The following CYP1B1 variants were observed in gnomAD, a reference collection of about 807,000 sequenced individuals.
CYP1B1 encodes cytochrome P450 1B1.
CYP1B1 carries 22 observed loss-of-function variants against 29.9 expected under a neutral mutation model. The ratio of observed to expected loss-of-function variants is 0.74; its 90% confidence interval spans 0.53 to 1.05. The LOEUF is 1.05. CYP1B1 is among the 50% of genes least tolerant of loss of function. The probability of loss-of-function intolerance (pLI) is 0.00; values close to 1 mark genes in which losing one functional copy is unlikely to be tolerated. For missense variants in CYP1B1, 883 were observed against 746.9 expected (o/e 1.18, Z -2.12); for synonymous variants, 375 against 320.0 (o/e 1.17, Z -1.83).
At chr2:38,071,610 T>C (rs565659548) in intron 2 of CYP1B1, among the ~76,000 whole-genome samples, 6 of 152,292 alleles carry the variant, frequency 3.9e-5, no homozygotes, top group African/African-American at 1.4e-4. Flanking sequence ...CAATAGTAGA[T>C]AAGGCTGACT....
chr2:38,074,870 CTCG>C lies in CYP1B1; in HGVS notation c.516_518del (p.Ser172_Glu173delinsArg). ...CCAGCAGCGCCACCAGCTCGCGCGC[CTCG>C]CTCAGCACGTGGCCCTCGAGGACTT... On this transcript the variant is annotated inframe_deletion, in exon 2 of 3. Coordinates refer to ENST00000610745, the MANE Select transcript of CYP1B1 (RefSeq NM_000104.4). 1 of 1,554,892 alleles carries C rather than the reference CTCG, an allele frequency of 6.4e-7. No individual in the cohort carries two copies. Among genetic ancestry groups the C allele is most frequent in the Non-Finnish European group, 8.7e-7 (1 of 1,151,682 alleles).
Position 38,074,564 on chromosome 2 carries a change from C to T in CYP1B1, c.825G>A (p.Lys275=), listed in dbSNP as rs1358067954. The T allele has an allele frequency of 1.2e-6, 2 of 1,610,726 alleles. No individual in the cohort carries two copies. The highest frequency in any genetic ancestry group is 3.4e-5 in the Admixed American group (2 of 59,490). Residue 275 remains lysine, a synonymous_variant, in exon 2 of 3, where the codon AAG becomes AAA. Transcript: ENST00000610745. Reference sequence around the variant, plus strand: ...GAAGGCTTTCGCAGTGCCTCAAGAACTTGTCCAGGATGAAGTTGCTGAAGT... The same window carrying T: ...GAAGGCTTTCGCAGTGCCTCAAGAATTTGTCCAGGATGAAGTTGCTGAAGT... The part of the protein sequence containing the change: ...NRNFSNFILD[K]FLRHCESLRP...
At chr2:38,072,880 C>T (rs889342075) in intron 2 of CYP1B1, among the ~76,000 whole-genome samples, 1 of 128,262 alleles carries the variant, frequency 7.8e-6, no homozygotes, top group East Asian at 2.0e-4. Flanking sequence ...CCCTGTCATA[C>T]GTCTTTTCAC....
Position 38,070,017 on chromosome 2 carries a change from T to C in CYP1B1, c.*705A>G, listed in dbSNP as rs1414450045. The C allele has an allele frequency of 4.9e-6, 1 of 204,080 alleles. No individual in the cohort carries two copies. The highest frequency in any genetic ancestry group is 1.0e-5 in the Non-Finnish European group (1 of 99,666). The allele number at this position is 204,080 out of a possible 1,614,324, so 12.6% of individuals were successfully genotyped here. On this transcript the variant is annotated 3_prime_UTR_variant, in exon 3 of 3. Coordinates refer to ENST00000610745, the MANE Select transcript of CYP1B1 (RefSeq NM_000104.4). ...CAATTTAATAATGCATACTTTAAAA[T>C]TCATGATAACTCATGGAACCCCACT... is the stretch of plus-strand genomic sequence containing the variant.
Position 38,075,839 on chromosome 2 carries a change from C to A in CYP1B1, c.-61G>T. On this transcript the variant is annotated 5_prime_UTR_variant, in exon 1 of 3. Transcript: ENST00000610745. The stretch of plus-strand genomic sequence containing the variant: ...AGCCGGCTCCGAGAAGGAACTGGGA[C>A]CTTTGCCTAGGGCAAGACGTCAACA... The A allele has an allele frequency of 4.3e-6, 1 of 230,340 alleles. No homozygotes were observed. 14.3% of individuals were successfully genotyped at this position (230,340 alleles called of 1,614,324 possible).
rs377319647 is a variant in CYP1B1 at position 38,075,230 on chromosome 2, G to C, written c.159C>G (p.Gly53=). Residue 53 remains glycine, a synonymous_variant, in exon 2 of 3, where the codon GGC becomes GGG. Transcript: ENST00000610745. ...TTCCGATCAGTGGCCACGCAAACGGGCCCGGGGGCGCGGACCGGAGCTGCC... is the reference window on the plus strand; with the variant it reads ...TTCCGATCAGTGGCCACGCAAACGGCCCCGGGGGCGCGGACCGGAGCTGCC... ...RRRQLRSAPP[G]PFAWPLIGNA... 1.9e-6 allele frequency: 3 copies of C among 1,587,222 alleles called. No individual in the cohort carries two copies. The highest frequency in any genetic ancestry group is 1.3e-5 in the African/African-American group (1 of 74,752).
At position 38,074,965 on chromosome 2, in the gene CYP1B1, T is replaced by C. The variant is rs1682503157; in HGVS notation, c.424A>G (p.Lys142Glu). The change falls in exon 2 of 3, where the codon AAG becomes GAG. Residue 142 changes from lysine (K) to glutamate (E), a missense_variant. Physicochemically the swap from Lys to Glu is moderately conservative, Grantham distance 56 (BLOSUM62 1). Transcript: ENST00000610745. ...CTGTGGGCTGCGCGCCGCTGCACCT[T>C]CCAGTGCTCCGAGTAGTGGCCGAAA... ...MAFGHYSEHW[K>E]VQRRAAHSMM... 6.3e-7 allele frequency: 1 copy of C among 1,580,350 alleles called. No individual in the cohort carries two copies. The highest frequency in any genetic ancestry group is 2.3e-5 in the East Asian group (1 of 43,642).
rs1420984375 is a variant in CYP1B1 at position 38,068,541 on chromosome 2, C to G, written c.*2181G>C. On this transcript the variant is annotated 3_prime_UTR_variant, in exon 3 of 3. Coordinates refer to ENST00000610745, the MANE Select transcript of CYP1B1 (RefSeq NM_000104.4). ...AGCAGCCCAAATTCACTGTCTCAGC[C>G]TTGGTGGGGCATAATATTTTGGAAT... is the stretch of plus-strand genomic sequence containing the variant. 4.4e-6 allele frequency: 1 copy of G among 226,642 alleles called. No homozygotes were observed. Among genetic ancestry groups the G allele is most frequent in the Non-Finnish European group, 8.8e-6 (1 of 113,768 alleles). The allele number at this position is 226,642 out of a possible 1,614,324, so 14.0% of individuals were successfully genotyped here. A position where few individuals can be genotyped will look rare whatever the true frequency, so the allele number is the denominator to read the frequency against.
chr2:38,075,224 A>C lies in CYP1B1; in HGVS notation c.165T>G (p.Phe55Leu). The C allele has an allele frequency of 6.3e-7, 1 of 1,584,952 alleles. No homozygotes were observed. Among genetic ancestry groups the C allele is most frequent in the Non-Finnish European group, 8.5e-7 (1 of 1,171,592 alleles). The change falls in exon 2 of 3, where the codon TTT (phenylalanine) becomes TTG (leucine). Residue 55 changes from phenylalanine to leucine, a missense_variant. Phe to Leu is a conservative substitution (Grantham distance 22). Coordinates refer to ENST00000610745, the MANE Select transcript of CYP1B1 (RefSeq NM_000104.4). ...CCGCGTTTCCGATCAGTGGCCACGC[A>C]AACGGGCCCGGGGGCGCGGACCGGA... is the stretch of plus-strand genomic sequence containing the variant. ...RQLRSAPPGP[F>L]AWPLIGNAAA...
Position 38,071,290 on chromosome 2 carries a change from C to A in CYP1B1, c.1064G>T (p.Arg355Leu). 1 of 1,612,308 alleles carries A rather than the reference C, an allele frequency of 6.2e-7. No individual in the cohort carries two copies. The highest frequency in any genetic ancestry group is 8.5e-7 in the Non-Finnish European group (1 of 1,179,452). The change falls in exon 3 of 3, where the codon CGA (arginine) becomes CTA (leucine). Residue 355 changes from arginine to leucine, a missense_variant. Physicochemically the swap from Arg to Leu is moderately radical, Grantham distance 102. Transcript: ENST00000610745. ...GACCTGATCCAATTCTGCCTGCACT[C>A]GAGTCTGCACATCAGGATACCTGTT... ...LFTRYPDVQTRVQAELDQVVG... is the reference protein window; with the variant it reads ...LFTRYPDVQTLVQAELDQVVG...
In CYP1B1 at chr2:38,070,791, A is replaced by C. The variant is rs369767017; in HGVS notation, c.1563T>G (p.Thr521=). 7 of 1,614,222 alleles carry C rather than the reference A, an allele frequency of 4.3e-6. No homozygotes were observed. The highest frequency in any genetic ancestry group is 5.9e-6 in the Non-Finnish European group (7 of 1,180,026). The change falls in exon 3 of 3, where the codon ACT becomes ACG. Residue 521 remains threonine (T), a synonymous_variant. Coordinates refer to ENST00000610745, the MANE Select transcript of CYP1B1 (RefSeq NM_000104.4). ...IKPKSFKVNV[T]LRESMELLDS... is the part of the protein sequence containing the mutation. ...CAAGGAGCTCCATGGACTCTCTGAG[A>C]GTGACATTGACTTTAAATGACTTGG...
At chr2:38,074,291 A>T (rs896209031) in intron 2 of CYP1B1, 55 bp downstream of exon 2, 2 of 1,577,852 alleles carry the variant, frequency 1.3e-6, no homozygotes, top group Non-Finnish European at 1.7e-6. Flanking sequence ...TTCTGTCTCT[A>T]CTCCGCCTTT....
In CYP1B1 at chr2:38,071,140, G is replaced by A. The variant is rs775035231; in HGVS notation, c.1214C>T (p.Ala405Val). The change falls in exon 3 of 3, where the codon GCC (alanine) becomes GTC (valine). Residue 405 changes from alanine (A) to valine (V), a missense_variant. Ala to Val is a moderately conservative substitution (Grantham distance 64). Coordinates refer to ENST00000610745, the MANE Select transcript of CYP1B1 (RefSeq NM_000104.4). Reference sequence around the variant, plus strand: ...GTGGTAGCCCAAGACAGAGGTGTTGGCAGTGGTGGCATGAGGAATAGTGAC... The same window carrying A: ...GTGGTAGCCCAAGACAGAGGTGTTGACAGTGGTGGCATGAGGAATAGTGAC... Reference protein sequence around the residue: ...VPVTIPHATTANTSVLGYHIP... With the variant: ...VPVTIPHATTVNTSVLGYHIP... 4 of 1,613,772 alleles carry A rather than the reference G, an allele frequency of 2.5e-6. No homozygotes were observed. The highest frequency in any genetic ancestry group is 2.5e-6 in the Non-Finnish European group (3 of 1,179,808).
intron 1 of CYP1B1, 119 bp from the exon 2 acceptor site, chr2:38,075,508 C>G: frequency 9.8e-7 from 1 of 1,019,966 alleles, no homozygotes; most frequent in South Asian, 1.4e-5. Flanking sequence ...TCGGAGCTGA[C>G]TCTCTGGAGA....
Position 38,074,971 on chromosome 2 carries a change from G to A in CYP1B1, c.418C>T (p.His140Tyr). Residue 140 changes from histidine to tyrosine, a missense_variant, in exon 2 of 3, where the codon CAC becomes TAC. By Grantham distance (83) the His-to-Tyr change is moderately conservative. Transcript: ENST00000610745. ...RSMAFGHYSE[H>Y]WKVQRRAAHS... The stretch of plus-strand genomic sequence containing the variant: ...GCTGCGCGCCGCTGCACCTTCCAGT[G>A]CTCCGAGTAGTGGCCGAAAGCCATG... 6.3e-7 allele frequency: 1 copy of A among 1,583,338 alleles called. No individual in the cohort carries two copies. Among genetic ancestry groups the A allele is most frequent in the Non-Finnish European group, 8.5e-7 (1 of 1,172,750 alleles).
chr2:38,074,227 TG>T, intron 2 of CYP1B1, 118 bp downstream of exon 2: 4 of 1,124,842 alleles, frequency 3.6e-6, no homozygotes, highest in East Asian at 5.1e-5. Flanking sequence ...TTTTGAGGGG[TG>T]GGGACCTGGA....
chr2:38,074,486 T>G lies in CYP1B1; in HGVS notation c.903A>C (p.Glu301Asp), dbSNP rs1037865580. Reference protein sequence around the residue: ...DMMDAFILSAEKKAAGDSHGG... With the variant: ...DMMDAFILSADKKAAGDSHGG... The stretch of plus-strand genomic sequence containing the variant: ...CGTGCGAGTCCCCGGCCGCCTTCTT[T>G]TCCGCAGAGAGGATAAAGGCGTCCA... The change falls in exon 2 of 3, where the codon GAA becomes GAC. Residue 301 changes from glutamate (E) to aspartate (D), a missense_variant. Coordinates refer to ENST00000610745, the MANE Select transcript of CYP1B1 (RefSeq NM_000104.4). The G allele has an allele frequency of 6.2e-7, 1 of 1,612,210 alleles. No individual in the cohort carries two copies. The highest frequency in any genetic ancestry group is 8.5e-7 in the Non-Finnish European group (1 of 1,179,474).
In CYP1B1 at chr2:38,070,694, T is replaced by G. The variant is rs1227063053; in HGVS notation, c.*28A>C. ...CCTCATCTCCGAAGATGTGAATATTTCTAAAATTTCAGCTTGCCTCTTGCT... is the reference window on the plus strand; with the variant it reads ...CCTCATCTCCGAAGATGTGAATATTGCTAAAATTTCAGCTTGCCTCTTGCT... On this transcript the variant is annotated 3_prime_UTR_variant, in exon 3 of 3. Transcript: ENST00000610745. 1 of 1,594,096 alleles carries G rather than the reference T, an allele frequency of 6.3e-7. No individual in the cohort carries two copies. The highest frequency in any genetic ancestry group is 8.6e-7 in the Non-Finnish European group (1 of 1,161,758).
chr2:38,068,455 C>G lies in CYP1B1; in HGVS notation c.*2267G>C, dbSNP rs34329725. 3.2e-3 allele frequency: 726 copies of G among 225,886 alleles called. 5 individuals are homozygous for G. Among genetic ancestry groups the G allele is most frequent in the African/African-American group, 0.015 (654 of 44,938 alleles). 14.0% of individuals were successfully genotyped at this position (225,886 alleles called of 1,614,324 possible). A position where few individuals can be genotyped will look rare whatever the true frequency, so the allele number is the denominator to read the frequency against. ...GGACCTGGTTGACATAATGAGGCAT[C>G]CAGATTGGTTCATGATTATTTTTGC... On this transcript the variant is annotated 3_prime_UTR_variant, in exon 3 of 3. Coordinates refer to ENST00000610745, the MANE Select transcript of CYP1B1 (RefSeq NM_000104.4).
Sources: gnomAD v4.1 joint callset for allele counts (sites outside exome capture counted in the v4.1 genomes callset) on GRCh38, gnomAD v4.1.1 for gene constraint, MANE v1.5 for transcripts, NCBI Gene and HGNC (gene_info 2026-07-23, HGNC 2026-07-21) for gene names.